Variants in EGFR observed in about 807,000 individuals in gnomAD.
EGFR encodes the protein avian erythroblastic leukemia viral (v-erb-b) oncogene homolog.
In EGFR, 58 loss-of-function variants were observed where a neutral mutation model predicts 143.0. The observed-to-expected ratio is 0.41, with a 90% confidence interval of 0.33 to 0.50. EGFR has a LOEUF of 0.50. Among genes scored for constraint, EGFR ranks in the 20% least tolerant of loss-of-function variants. The pLI is 0.39. For missense variants in EGFR, 1,307 were observed against 1,579.0 expected (o/e 0.83, Z 2.92); for synonymous variants, 613 against 594.4 (o/e 1.03, Z -0.45).
chr7:55,154,184 T>C (rs1405422028), intron 7 of EGFR, 32 bp downstream of exon 7: 1 of 1,614,166 alleles, frequency 6.2e-7, no homozygotes, highest in Admixed American at 1.7e-5. Flanking sequence ...CTCTAACTGG[T>C]CAGGCATCCT....
chr7:55,097,102 C>T (rs1054782399), intron 1 of EGFR, among the ~76,000 whole-genome samples: 4 of 152,210 alleles, frequency 2.6e-5, no homozygotes, highest in African/African-American at 9.7e-5. Flanking sequence ...AGAATTCTAA[C>T]CTGTGAGGAA....
At position 55,168,105 on chromosome 7, in the gene EGFR, G is replaced by A. The variant is rs1786159938; in HGVS notation, c.1880+2668G>A. ...AAGATTCTTCATATTTTCGCCTTTG[G>A]GTATACCAACATGCCAGCTCTGTTG... On this transcript the variant is annotated intron_variant, in intron 15 of 27. Transcript: ENST00000275493. Among the ~76,000 whole-genome samples the A allele has an allele frequency of 2.0e-5, 3 of 152,040 alleles. No homozygotes were observed. In the South Asian group the frequency reaches 6.2e-4, roughly 32 times the overall value.
chr7:55,196,267 A>G (rs903378878), intron 22 of EGFR, among the ~76,000 whole-genome samples: 2 of 131,264 alleles, frequency 1.5e-5, no homozygotes, highest in African/African-American at 5.8e-5. Flanking sequence ...TTCTTTAATG[A>G]TCAGTGATGT....
chr7:55,172,783 G>C, intron 16 of EGFR, 200 bp from the exon 17 acceptor site: 1 of 1,475,932 alleles, frequency 6.8e-7, no homozygotes, highest in Non-Finnish European at 9.2e-7. Flanking sequence ...CCTGGTAGGG[G>C]ACTGGGGAGA....
At chr7:55,146,961 A>G (rs1210519669) in intron 4 of EGFR, among the ~76,000 whole-genome samples, 1 of 152,100 alleles carries the variant, frequency 6.6e-6, no homozygotes, top group Non-Finnish European at 1.5e-5. Context: ...AGTGCAGGCC[A>G]CCGGAGGCAG....
chr7:55,116,102 C>T (rs1030953439), intron 1 of EGFR, among the ~76,000 whole-genome samples: 8 of 152,216 alleles, frequency 5.3e-5, no homozygotes, highest in African/African-American at 1.4e-4. Flanking sequence ...AACATGCTTT[C>T]CCCATGCTGG....
chr7:55,183,183 C>G (rs1327548676), intron 20 of EGFR, among the ~76,000 whole-genome samples: 2 of 152,072 alleles, frequency 1.3e-5, no homozygotes, highest in Non-Finnish European at 2.9e-5. Context: ...ACCACAGGCC[C>G]CTCTCCTTTC....
intron 4 of EGFR, 22 bp from the exon 5 acceptor site, chr7:55,151,272 A>G (rs757885405): frequency 2.4e-5 from 39 of 1,613,308 alleles, no homozygotes; most frequent in Non-Finnish European, 3.2e-5. Context: ...TGAGATATGC[A>G]TCTATTACTT....
At chr7:55,068,638 G>A (rs916660990) in intron 1 of EGFR, among the ~76,000 whole-genome samples, 8 of 152,184 alleles carry the variant, frequency 5.3e-5, no homozygotes, top group East Asian at 1.9e-4. Flanking sequence ...TACTGAAGCC[G>A]TTACCAACTG....
intron 1 of EGFR, among the ~76,000 whole-genome samples, chr7:55,051,691 A>T (rs1218056773): frequency 1.3e-5 from 2 of 152,228 alleles, no homozygotes; most frequent in Admixed American, 1.3e-4. Flanking sequence ...CAACCTTTAA[A>T]GACTGCCAGT....
intron 1 of EGFR, among the ~76,000 whole-genome samples, chr7:55,123,872 C>T (rs572484646): frequency 1.1e-4 from 15 of 131,072 alleles, no homozygotes; most frequent in Middle Eastern, 3.7e-3. Flanking sequence ...CATGCATGCA[C>T]GTGTGTAAAT....
At chr7:55,095,556 C>T (rs567817332) in intron 1 of EGFR, among the ~76,000 whole-genome samples, 15 of 152,180 alleles carry the variant, frequency 9.9e-5, no homozygotes, top group Non-Finnish European at 1.9e-4. Flanking sequence ...AACCACAATT[C>T]TCTGATATGT....
intron 20 of EGFR, among the ~76,000 whole-genome samples, chr7:55,183,355 C>T (rs1786981227): frequency 6.6e-6 from 1 of 152,212 alleles, no homozygotes; most frequent in Non-Finnish European, 1.5e-5. Context: ...ACAAACATTG[C>T]ACTCCATAAA....
At chr7:55,019,827 G>A (rs1786427563) in intron 1 of EGFR, among the ~76,000 whole-genome samples, 2 of 152,194 alleles carry the variant, frequency 1.3e-5, no homozygotes, top group Admixed American at 6.5e-5. Flanking sequence ...CCCACCCGCC[G>A]AGACTGCACT....
chr7:55,180,960 CAA>C (rs1362268645), intron 19 of EGFR: 1 of 438,532 alleles, frequency 2.3e-6, no homozygotes, highest in East Asian at 4.4e-5. Context: ...GTCTTCATAA[CAA>C]AGATACTATC....
rs1140476 is a variant in EGFR, at chr7:55,200,396, C to A, written c.2929C>A (p.Arg977Ser). The A allele has an allele frequency of 1.9e-6, 3 of 1,614,042 alleles. No homozygotes were observed. Among genetic ancestry groups the A allele is most frequent in the South Asian group, 2.2e-5 (2 of 91,078 alleles). ...EFSKMARDPQ[R>S]YLVIQGDERM... Reference sequence around the variant, plus strand: ...CTCCAAAATGGCCCGAGACCCCCAGCGCTACCTTGTCATTCAGGTACAAAT... The same window carrying A: ...CTCCAAAATGGCCCGAGACCCCCAGAGCTACCTTGTCATTCAGGTACAAAT... Residue 977 changes from arginine (R) to serine (S), a missense_variant, in exon 24 of 28, where the codon CGC becomes AGC. By Grantham distance (110) the Arg-to-Ser change is moderately radical. Coordinates refer to ENST00000275493, the MANE Select transcript of EGFR (RefSeq NM_005228.5).
chr7:55,027,835 A>G (rs369071897), intron 1 of EGFR, among the ~76,000 whole-genome samples: 1 of 151,972 alleles, frequency 6.6e-6, no homozygotes, highest in Admixed American at 6.6e-5. Flanking sequence ...AGAGACATCT[A>G]TGTTCTGATC....
chr7:55,080,731 G>T (rs1271625173), intron 1 of EGFR, among the ~76,000 whole-genome samples: 2 of 152,192 alleles, frequency 1.3e-5, no homozygotes, highest in African/African-American at 4.8e-5. Context: ...CAGTAATACA[G>T]TCATTAATTA....
chr7:55,127,491 T>C (rs1253389368), intron 1 of EGFR, among the ~76,000 whole-genome samples: 1 of 135,826 alleles, frequency 7.4e-6, no homozygotes, highest in Non-Finnish European at 1.6e-5. Context: ...ACATCTGCAA[T>C]TCTTAAACTA....
Sources: gnomAD v4.1 joint callset for allele counts (sites outside exome capture counted in the v4.1 genomes callset) on GRCh38, gnomAD v4.1.1 for gene constraint, MANE v1.5 for transcripts, NCBI Gene and HGNC (gene_info 2026-07-23, HGNC 2026-07-21) for gene names.